Variants in CACNA2D1 observed in about 807,000 individuals in gnomAD.
The protein encoded by CACNA2D1 is calcium voltage-gated channel auxiliary subunit alpha2delta 1.
Under a neutral mutation model 171.5 loss-of-function variants are expected in CACNA2D1, and 53 were observed. That is an observed-to-expected ratio of 0.31 (90% CI 0.25 to 0.39). The LOEUF (loss-of-function observed/expected upper bound fraction) is 0.39, where lower values mean the gene tolerates loss of function less well. Among genes scored for constraint, CACNA2D1 ranks in the 10% least tolerant of loss-of-function variants. CACNA2D1 has a pLI of 1.00. For missense variants in CACNA2D1, 903 were observed against 1,299.8 expected, an observed-to-expected ratio of 0.69 and a Z score of 4.69; for synonymous variants, 442 against 443.1, an observed-to-expected ratio of 1.00 and a Z score of 0.03.
intron 1 of CACNA2D1, among the ~76,000 whole-genome samples, chr7:82,400,283 T>C (rs1409047492): frequency 6.6e-6 from 1 of 151,690 alleles, no homozygotes; most frequent in Non-Finnish European, 1.5e-5. Context: ...ATCTGTAAAT[T>C]ACCTTGGGCA....
chr7:82,299,152 A>T (rs1812681514), intron 3 of CACNA2D1, among the ~76,000 whole-genome samples: 2 of 152,090 alleles, frequency 1.3e-5, no homozygotes, highest in Admixed American at 1.3e-4. Context: ...TCTGCTTATC[A>T]TACAAACATG....
intron 3 of CACNA2D1, among the ~76,000 whole-genome samples, chr7:82,297,567 G>A (rs6942584): frequency 0.45 from 68,060 of 151,934 alleles, 15,428 homozygotes; most frequent in African/African-American, 0.48. Flanking sequence ...AAAAGTCATT[G>A]TAATTATAGA....
At chr7:82,114,585 AC>A (rs1287117361) in intron 6 of CACNA2D1, among the ~76,000 whole-genome samples, 1 of 151,944 alleles carries the variant, frequency 6.6e-6, no homozygotes, top group East Asian at 1.9e-4. Flanking sequence ...TCTACTAAAT[AC>A]AAAAAAACAA....
chr7:82,166,422 A>C (rs2129141332), intron 4 of CACNA2D1, among the ~76,000 whole-genome samples: 1 of 152,168 alleles, frequency 6.6e-6, no homozygotes, highest in Non-Finnish European at 1.5e-5. Flanking sequence ...TAAGCCATAC[A>C]TAAAGATCCT....
intron 1 of CACNA2D1, among the ~76,000 whole-genome samples, chr7:82,429,175 A>C (rs1016277486): frequency 1.3e-5 from 2 of 152,180 alleles, no homozygotes; most frequent in African/African-American, 4.8e-5. Flanking sequence ...CTAAATGTAT[A>C]TATTCTATGT....
intron 10 of CACNA2D1, among the ~76,000 whole-genome samples, chr7:82,044,733 C>T (rs570382448): frequency 4.1e-4 from 63 of 152,206 alleles, no homozygotes; most frequent in African/African-American, 1.1e-3. Context: ...AGAGGCTGTG[C>T]GCTCCAAAAT....
chr7:82,137,570 CAT>C (rs1421716286), intron 4 of CACNA2D1, among the ~76,000 whole-genome samples: 3 of 151,980 alleles, frequency 2.0e-5, no homozygotes, highest in African/African-American at 7.3e-5. Context: ...CATCCAAAAA[CAT>C]AGATGCTGTA....
intron 1 of CACNA2D1, among the ~76,000 whole-genome samples, chr7:82,373,616 T>C (rs1247157519): frequency 2.6e-5 from 4 of 152,142 alleles, no homozygotes; most frequent in Non-Finnish European, 4.4e-5. Context: ...CACCCACCCA[T>C]TGACTTCAAT....
intron 1 of CACNA2D1, among the ~76,000 whole-genome samples, chr7:82,384,216 A>T (rs6944219): frequency 6.6e-6 from 1 of 152,100 alleles, no homozygotes; most frequent in Admixed American, 6.6e-5. Flanking sequence ...TGTCTCCCCC[A>T]AAAAATGTGT....
At chr7:82,148,351 TCCTC>T (rs1363695582) in intron 4 of CACNA2D1, among the ~76,000 whole-genome samples, 3 of 149,930 alleles carry the variant, frequency 2.0e-5, no homozygotes, top group African/African-American at 4.9e-5. Flanking sequence ...CAAGGGATGT[TCCTC>T]CCTATTAGAA....
At position 82,005,789 on chromosome 7, in the gene CACNA2D1, A is replaced by T. The variant is rs1309631095; in HGVS notation, c.1491T>A (p.Ile497=). Residue 497 remains isoleucine (I), a synonymous_variant, in exon 17 of 39, where the codon ATT becomes ATA. Transcript: ENST00000356860. ...VMGVDVSLED[I]KRLTPRFTLC... is the part of the protein sequence containing the mutation. Reference sequence around the variant, plus strand: ...CTGTAAAACGTGGTGTCAGTCTTTTAATATCTTCCAAAGACACATCTACTC... The same window carrying T: ...CTGTAAAACGTGGTGTCAGTCTTTTTATATCTTCCAAAGACACATCTACTC... The T allele has an allele frequency of 6.2e-7, 1 of 1,606,962 alleles. No individual in the cohort carries two copies. Among genetic ancestry groups the T allele is most frequent in the African/African-American group, 1.3e-5 (1 of 74,764 alleles).
At chr7:82,026,425 T>C (rs552802306) in intron 12 of CACNA2D1, among the ~76,000 whole-genome samples, 2 of 151,880 alleles carry the variant, frequency 1.3e-5, no homozygotes, top group East Asian at 1.9e-4. Flanking sequence ...AAAGTTTTTT[T>C]AAAAAGTTGC....
intron 3 of CACNA2D1, among the ~76,000 whole-genome samples, chr7:82,272,247 T>C (rs891221667): frequency 1.5e-4 from 23 of 152,142 alleles, no homozygotes; most frequent in Non-Finnish European, 3.1e-4. Flanking sequence ...TAAAATAGCC[T>C]TTATTGAGGA....
intron 22 of CACNA2D1, 60 bp from the exon 23 acceptor site, chr7:81,983,394 AG>A: frequency 8.1e-7 from 1 of 1,240,874 alleles, no homozygotes; most frequent in Non-Finnish European, 1.2e-6. Flanking sequence ...GGTAAAGCAA[AG>A]GGGGTCATAA....
intron 10 of CACNA2D1, among the ~76,000 whole-genome samples, chr7:82,060,180 T>TATATATA (rs1562981393): frequency 2.6e-4 from 6 of 23,214 alleles, no homozygotes; most frequent in African/African-American, 1.2e-3. Context: ...ATATATATAA[T>TATATATA]ATATATATAT....
intron 3 of CACNA2D1, among the ~76,000 whole-genome samples, chr7:82,273,210 A>T (rs777811033): frequency 6.6e-6 from 1 of 152,100 alleles, no homozygotes; most frequent in Non-Finnish European, 1.5e-5. Flanking sequence ...CCAGATGGAT[A>T]ATCTGGCAAG....
intron 4 of CACNA2D1, among the ~76,000 whole-genome samples, chr7:82,147,194 T>G (rs552969407): frequency 6.6e-6 from 1 of 152,162 alleles, no homozygotes; most frequent in East Asian, 1.9e-4. Flanking sequence ...TAGACTGATT[T>G]CAGAGTTCAT....
chr7:82,206,457 A>T (rs1007060665), intron 3 of CACNA2D1, among the ~76,000 whole-genome samples: 2 of 152,152 alleles, frequency 1.3e-5, no homozygotes, highest in East Asian at 3.8e-4. Context: ...TTCCTACTTC[A>T]TCAAATGGTA....
At chr7:82,165,501 A>G (rs1490486791) in intron 4 of CACNA2D1, among the ~76,000 whole-genome samples, 1 of 152,084 alleles carries the variant, frequency 6.6e-6, no homozygotes, top group Non-Finnish European at 1.5e-5. Flanking sequence ...AACAAAAGAG[A>G]TAGGTTATCA....
Sources: allele counts gnomAD v4.1 joint callset (sites outside exome capture counted in the v4.1 genomes callset), GRCh38; gene constraint gnomAD v4.1.1; transcripts MANE v1.5; gene names NCBI Gene and HGNC (gene_info 2026-07-23, HGNC 2026-07-21).